FALEC: variants seen among roughly 807,000 people sequenced by gnomAD.
The protein encoded by FALEC is focally amplified lncRNA on chromosome 1.
the FALEC span, among the ~76,000 whole-genome samples, chr1:150,524,905 G>A: frequency 1.3e-5 from 2 of 151,704 alleles, no homozygotes; most frequent in African/African-American, 4.9e-5. Context: ...TGAACTGAGG[G>A]GATCTCTTGA....
At chr1:150,518,520 A>AT (rs1268850840), downstream of FALEC, among the ~76,000 whole-genome samples, 1 of 151,330 alleles carries the variant, frequency 6.6e-6, no homozygotes, top group Non-Finnish European at 1.5e-5. Context: ...AAGTAGCTGC[A>AT]ATTACAGTCA....
chr1:150,536,203 T>C, the FALEC span, among the ~76,000 whole-genome samples: 1 of 152,062 alleles, frequency 6.6e-6, no homozygotes, highest in Non-Finnish European at 1.5e-5. Flanking sequence ...AGATGAGGGA[T>C]GGGAAGGAGA....
chr1:150,532,774 A>AG, the FALEC span, among the ~76,000 whole-genome samples: 1 of 140,478 alleles, frequency 7.1e-6, no homozygotes, highest in African/African-American at 2.8e-5. Context: ...CTGACTAAGG[A>AG]AAAAAAAAAA....
chr1:150,531,640 C>T, the FALEC span, among the ~76,000 whole-genome samples: 2 of 152,128 alleles, frequency 1.3e-5, no homozygotes, highest in Non-Finnish European at 2.9e-5. Context: ...TAAACAATAA[C>T]CAATAATGTC....
downstream of FALEC, among the ~76,000 whole-genome samples, chr1:150,521,346 G>A (rs2101457008): frequency 6.6e-6 from 1 of 152,312 alleles, no homozygotes; most frequent in Non-Finnish European, 1.5e-5. Flanking sequence ...GTGTATGAGA[G>A]TTCCACTTGT....
chr1:150,522,832 A>ACT (rs71732573), downstream of FALEC, among the ~76,000 whole-genome samples: 287 of 59,540 alleles, frequency 4.8e-3, 15 homozygotes, highest in African/African-American at 9.6e-3. Flanking sequence ...GGATTAATGA[A>ACT]CTCTCTCTCT....
chr1:150,525,933 T>C, the FALEC span, among the ~76,000 whole-genome samples: 1 of 152,106 alleles, frequency 6.6e-6, no homozygotes, highest in Non-Finnish European at 1.5e-5. Flanking sequence ...TCAGCAACCA[T>C]GCCCAGCCAT....
chr1:150,522,968 TATATATATATA>T (rs1670674303), downstream of FALEC, among the ~76,000 whole-genome samples: 4 of 47,608 alleles, frequency 8.4e-5, no homozygotes, highest in African/African-American at 3.0e-4. Flanking sequence ...TATATATATA[TATATATATATA>T]TATATTTTTT....
downstream of FALEC, among the ~76,000 whole-genome samples, chr1:150,522,528 C>T (rs1298673292): frequency 6.6e-6 from 1 of 150,948 alleles, no homozygotes; most frequent in Non-Finnish European, 1.5e-5. Flanking sequence ...GAGGCTGAGG[C>T]AGGAGAATCG....
the FALEC span, among the ~76,000 whole-genome samples, chr1:150,526,542 A>AGAC: frequency 5.1e-5 from 2 of 39,516 alleles, no homozygotes; most frequent in African/African-American, 1.2e-4. Context: ...GTTTTTTTTG[A>AGAC]TTCTCCTGCC....
the FALEC span, among the ~76,000 whole-genome samples, chr1:150,524,614 A>G: frequency 6.6e-6 from 1 of 152,178 alleles, no homozygotes; most frequent in Admixed American, 6.6e-5. Context: ...ATCTAAGAAG[A>G]TATACAGACT....
the FALEC span, among the ~76,000 whole-genome samples, chr1:150,531,261 G>A: frequency 8.5e-5 from 13 of 152,212 alleles, no homozygotes; most frequent in African/African-American, 2.4e-4. Context: ...TTGGGAGGCC[G>A]AGGTGGGCGG....
At chr1:150,520,946 C>T (rs1292162537), downstream of FALEC, among the ~76,000 whole-genome samples, 8 of 151,672 alleles carry the variant, frequency 5.3e-5, no homozygotes, top group South Asian at 4.2e-4. Flanking sequence ...GGATTACAGG[C>T]GCCTGCCAAT....
the FALEC span, among the ~76,000 whole-genome samples, chr1:150,533,540 A>G: frequency 6.9e-6 from 1 of 145,504 alleles, no homozygotes; most frequent in South Asian, 2.2e-4. Flanking sequence ...GGTTCAAGTG[A>G]TTCTCCTACC....
downstream of FALEC, among the ~76,000 whole-genome samples, chr1:150,522,867 G>GTGTATA (rs1560270634): frequency 4.4e-5 from 3 of 68,124 alleles, no homozygotes; most frequent in African/African-American, 9.4e-5. Flanking sequence ...ATATATATAC[G>GTGTATA]TATATATACA....
chr1:150,522,926 CATATATAT>C (rs1560270761), downstream of FALEC, among the ~76,000 whole-genome samples: 2 of 42,284 alleles, frequency 4.7e-5, no homozygotes, highest in Admixed American at 3.3e-4. Context: ...TATATATATA[CATATATAT>C]GTGTGTGTGT....
At chr1:150,535,526 G>A in the FALEC span, among the ~76,000 whole-genome samples, 1 of 152,232 alleles carries the variant, frequency 6.6e-6, no homozygotes. Context: ...TTACACGCGT[G>A]AGCCACCGCG....
downstream of FALEC, among the ~76,000 whole-genome samples, chr1:150,519,088 C>G (rs1229340611): frequency 6.6e-6 from 1 of 152,044 alleles, no homozygotes; most frequent in Admixed American, 6.5e-5. Flanking sequence ...TAAAAGTATG[C>G]AAAACATAAA....
chr1:150,520,791 T>C (rs1670631458), downstream of FALEC, among the ~76,000 whole-genome samples: 8 of 127,300 alleles, frequency 6.3e-5, no homozygotes, highest in South Asian at 2.0e-3. Flanking sequence ...TTCTTTTTTT[T>C]TTTTTTTTTT....
Sources: gnomAD v4.1 joint callset for allele counts (sites outside exome capture counted in the v4.1 genomes callset) on GRCh38, gnomAD v4.1.1 for gene constraint, MANE v1.5 for transcripts, NCBI Gene and HGNC (gene_info 2026-07-23, HGNC 2026-07-21) for gene names.